The following MPDZ variants were observed in gnomAD, a reference collection of about 807,000 sequenced individuals.
MPDZ encodes the protein multiple PDZ domain protein.
Under a neutral mutation model 239.1 loss-of-function variants are expected in MPDZ, and 234 were observed. That is an observed-to-expected ratio of 0.98 (90% CI 0.88 to 1.09). The LOEUF (loss-of-function observed/expected upper bound fraction) is 1.09. Among genes scored for constraint, MPDZ ranks in the 50% least tolerant of loss-of-function variants. The probability of loss-of-function intolerance (pLI) is 0.00; values close to 1 mark genes in which losing one functional copy is unlikely to be tolerated. For synonymous variants in MPDZ, 1,048 were observed against 881.3 expected, an observed-to-expected ratio of 1.19 and a Z score of -3.35; for missense variants, 3,175 against 2,510.0, an observed-to-expected ratio of 1.26 and a Z score of -5.66.
chr9:13,135,415 C>G (rs1286964860), intron 31 of MPDZ: 1 of 152,160 alleles, frequency 6.6e-6, no homozygotes, highest in Non-Finnish European at 1.5e-5. Flanking sequence ...TTCCCTCTTC[C>G]AGCTTTAGTT....
chr9:13,272,251 T>C (rs1332316962), intron 1 of MPDZ, among the ~76,000 whole-genome samples: 1 of 152,158 alleles, frequency 6.6e-6, no homozygotes, highest in Non-Finnish European at 1.5e-5. Context: ...TAGGTTGACT[T>C]TAGCATCCAA....
rs368486865 is a variant in MPDZ, at chr9:13,123,285, T to C, written c.4821A>G (p.Ser1607=). ...CAGAAGCAAAAATTGCTGGTGTTGA[T>C]GATCTGCTTGTATCTAAAAATAAGT... is the stretch of plus-strand genomic sequence containing the variant. ...EPESIRNTSR[S]STPAIFASDP... is the part of the protein sequence containing the mutation. The change falls in exon 36 of 47, where the codon TCA becomes TCG. Residue 1607 remains serine (S), a synonymous_variant. Coordinates refer to ENST00000319217, the MANE Select transcript of MPDZ (RefSeq NM_001378778.1). 3 of 1,609,896 alleles carry C rather than the reference T, an allele frequency of 1.9e-6. No individual in the cohort carries two copies. In the African/African-American group the frequency reaches 4.0e-5, roughly 22 times the overall value.
chr9:13,113,770 G>C (rs1942900027), intron 41 of MPDZ, among the ~76,000 whole-genome samples, 161 bp downstream of exon 41: 1 of 152,224 alleles, frequency 6.6e-6, no homozygotes, highest in Admixed American at 6.5e-5. Flanking sequence ...GCCATAGGCA[G>C]AACTTCATGT....
chr9:13,193,921 G>T (rs1955285889), intron 13 of MPDZ, among the ~76,000 whole-genome samples: 1 of 151,946 alleles, frequency 6.6e-6, no homozygotes, highest in Admixed American at 6.6e-5. Context: ...GGGATAAAAG[G>T]ACTAAAAAAA....
intron 10 of MPDZ, among the ~76,000 whole-genome samples, chr9:13,208,043 A>G (rs1957185704): frequency 1.3e-5 from 2 of 152,230 alleles, no homozygotes; most frequent in African/African-American, 4.8e-5. Flanking sequence ...TAGTGGGGCC[A>G]TATTAGGCAC....
chr9:13,245,902 C>T (rs974307784), intron 3 of MPDZ, among the ~76,000 whole-genome samples: 2 of 152,188 alleles, frequency 1.3e-5, no homozygotes, highest in African/African-American at 4.8e-5. Flanking sequence ...TACATTAAGA[C>T]TGTCTACAAC....
At chr9:13,184,846 C>A (rs942797265) in intron 18 of MPDZ, among the ~76,000 whole-genome samples, 1 of 151,800 alleles carries the variant, frequency 6.6e-6, no homozygotes, top group Non-Finnish European at 1.5e-5. Flanking sequence ...ATTGAGTGAC[C>A]AGTCCAAGAT....
chr9:13,144,971 C>T (rs1466616383), intron 26 of MPDZ, among the ~76,000 whole-genome samples: 2 of 152,026 alleles, frequency 1.3e-5, no homozygotes, highest in Non-Finnish European at 2.9e-5. Context: ...ATACATTGGA[C>T]TTTCAGTGTC....
Position 13,175,805 on chromosome 9 carries a change from G to A in MPDZ, c.3002C>T (p.Ser1001Phe). The A allele has an allele frequency of 1.3e-6, 2 of 1,581,532 alleles. No homozygotes were observed. Among genetic ancestry groups the A allele is most frequent in the Admixed American group, 1.8e-5 (1 of 54,840 alleles). The change falls in exon 21 of 47, where the codon TCT becomes TTT. Residue 1001 changes from serine (S) to phenylalanine (F), a missense_variant. By Grantham distance (155) the Ser-to-Phe change is radical. Transcript: ENST00000319217. Reference sequence around the variant, plus strand: ...AATAGTCCTTTCAAAAGATTCTTTAGATACATTTTGAAGCATGACACACTC... The same window carrying A: ...AATAGTCCTTTCAAAAGATTCTTTAAATACATTTTGAAGCATGACACACTC... ...NAECVMLQNVSKESFERTINI... is the reference protein window; with the variant it reads ...NAECVMLQNVFKESFERTINI...
At chr9:13,205,605 CA>C (rs1209111412) in intron 11 of MPDZ, among the ~76,000 whole-genome samples, 1 of 152,100 alleles carries the variant, frequency 6.6e-6, no homozygotes, top group East Asian at 1.9e-4. Context: ...CAATGACATC[CA>C]GAAGTAAGGC....
At chr9:13,227,784 C>T (rs1961102749) in intron 3 of MPDZ, among the ~76,000 whole-genome samples, 1 of 152,136 alleles carries the variant, frequency 6.6e-6, no homozygotes, top group South Asian at 2.1e-4. Flanking sequence ...AATGACTCCT[C>T]CTGCTTCATC....
chr9:13,116,114 C>T (rs1416344665), intron 39 of MPDZ, among the ~76,000 whole-genome samples: 1 of 152,150 alleles, frequency 6.6e-6, no homozygotes, highest in Non-Finnish European at 1.5e-5. Flanking sequence ...TAGATAAATA[C>T]TGCTATCAAC....
chr9:13,138,035 A>G lies in MPDZ; in HGVS notation c.4122T>C (p.Ser1374=), dbSNP rs755351850. ...LAGNKDRSRM[S]VFIVGIDPNG... ...TTGGATCAATCCCCACTATGAAGAC[A>G]CTCATCCTGGATCGGTCTTTGTTCC... Residue 1374 remains serine (S), a synonymous_variant, in exon 29 of 47, where the codon AGT becomes AGC. Transcript: ENST00000319217. The G allele has an allele frequency of 6.2e-7, 1 of 1,613,650 alleles. No individual in the cohort carries two copies. Among genetic ancestry groups the G allele is most frequent in the African/African-American group, 1.3e-5 (1 of 74,882 alleles).
intron 19 of MPDZ, among the ~76,000 whole-genome samples, chr9:13,182,850 G>A (rs984015876): frequency 2.6e-5 from 4 of 151,922 alleles, no homozygotes; most frequent in African/African-American, 9.7e-5. Context: ...AATATAAATG[G>A]CACAGATATG....
At chr9:13,245,016 A>G (rs1966272787) in intron 3 of MPDZ, among the ~76,000 whole-genome samples, 1 of 152,200 alleles carries the variant, frequency 6.6e-6, no homozygotes, top group Non-Finnish European at 1.5e-5. Context: ...ATATAAAATT[A>G]TACATTTGAA....
intron 32 of MPDZ, among the ~76,000 whole-genome samples, 186 bp from the exon 33 acceptor site, chr9:13,126,958 G>C (rs903593327): frequency 1.5e-4 from 23 of 151,952 alleles, no homozygotes; most frequent in Non-Finnish European, 2.8e-4. Flanking sequence ...TTTCCTAATG[G>C]GAATAAATTT....
intron 7 of MPDZ, among the ~76,000 whole-genome samples, chr9:13,220,393 A>C (rs1958952833): frequency 6.6e-6 from 1 of 151,980 alleles, no homozygotes; most frequent in African/African-American, 2.4e-5. Context: ...GAGATCTTGA[A>C]ATGTGGCTAG....
In MPDZ at chr9:13,143,347, TG is replaced by T. The variant is rs994242789; in HGVS notation, c.3840+118del. 13 of 745,172 alleles carry T rather than the reference TG, an allele frequency of 1.7e-5. No homozygotes were observed. In the African/African-American group the frequency reaches 2.1e-4, roughly 12 times the overall value. The allele number at this position is 745,172 out of a possible 1,614,324, so 46.2% of individuals were successfully genotyped here. On this transcript the variant is annotated intron_variant, in intron 27 of 46. Coordinates refer to ENST00000319217, the MANE Select transcript of MPDZ (RefSeq NM_001378778.1). ...CCCACTCCAAACAGCTTTGTTTTTT[TG>T]TTTTTTTTTCCCTGCCCAAATGTAG... is the stretch of plus-strand genomic sequence containing the variant.
chr9:13,172,927 G>C (rs992524589), intron 21 of MPDZ, among the ~76,000 whole-genome samples: 1 of 152,154 alleles, frequency 6.6e-6, no homozygotes, highest in Non-Finnish European at 1.5e-5. Flanking sequence ...AAAGTATAGT[G>C]TATACATACA....
Sources: gnomAD v4.1 joint callset for allele counts (sites outside exome capture counted in the v4.1 genomes callset) on GRCh38, gnomAD v4.1.1 for gene constraint, MANE v1.5 for transcripts, NCBI Gene and HGNC (gene_info 2026-07-23, HGNC 2026-07-21) for gene names.